The following NOL9 variants were observed in gnomAD, a reference collection of about 807,000 sequenced individuals.
NOL9 encodes nucleolar protein 9.
NOL9 carries 28 observed loss-of-function variants against 67.9 expected under a neutral mutation model. That is an observed-to-expected ratio of 0.41 (90% CI 0.31 to 0.57). The LOEUF is 0.57. Ranked by LOEUF, NOL9 falls within the 20% of genes least tolerant of loss-of-function variation. The pLI is 0.25. For synonymous variants in NOL9, 356 were observed against 352.2 expected, an observed-to-expected ratio of 1.01 and a Z score of -0.12; for missense variants, 777 against 897.0, an observed-to-expected ratio of 0.87 and a Z score of 1.71.
intron 6 of NOL9, among the ~76,000 whole-genome samples, chr1:6,539,066 G>A (rs904892212): frequency 1.2e-4 from 18 of 152,200 alleles, no homozygotes; most frequent in Non-Finnish European, 2.9e-5. Flanking sequence ...ATAAGTACAT[G>A]CTCAACATCA....
chr1:6,539,402 G>C (rs891568120), intron 6 of NOL9, among the ~76,000 whole-genome samples: 4 of 152,226 alleles, frequency 2.6e-5, no homozygotes, highest in African/African-American at 9.6e-5. Flanking sequence ...AAGAAGCCAA[G>C]TGTCCCTTAA....
chr1:6,532,405 G>T, intron 8 of NOL9, 58 bp downstream of exon 8: 1 of 1,499,772 alleles, frequency 6.7e-7, no homozygotes, highest in Non-Finnish European at 9.1e-7. Context: ...AATTGAGAAT[G>T]GCAGGTCTTT....
At chr1:6,547,996 GGCTCTAACAAAACTAGGCTGTCCCGAACC>G (rs2148661302) in intron 3 of NOL9, 1 of 303,584 alleles carries the variant, frequency 3.3e-6, no homozygotes, top group African/African-American at 2.2e-5. Context: ...CTACAATACA[GGCTCTAACAAAACTAGGCTGTCCCGAACC>G]CCTGGTAATA....
intron 6 of NOL9, 87 bp from the exon 7 acceptor site, chr1:6,533,528 C>A: frequency 2.0e-6 from 2 of 983,590 alleles, no homozygotes; most frequent in South Asian, 2.4e-5. Context: ...TTGTTTCAGC[C>A]GTTATCACTG....
Position 6,554,483 on chromosome 1 carries a change from A to G in NOL9, c.20T>C (p.Leu7Pro), listed in dbSNP as rs755573358. The G allele has an allele frequency of 1.6e-5, 24 of 1,543,360 alleles. No homozygotes were observed. Among genetic ancestry groups the G allele is most frequent in the Admixed American group, 9.7e-5 (5 of 51,698 alleles). MADSGL[L>P]LKRGSCRSTW... ...GGAACGGCAGGAACCCCGCTTTAGC[A>G]GCAGTCCCGAGTCCGCCATGCTGGG... The change falls in exon 1 of 12, where the codon CTG becomes CCG. Residue 7 changes from leucine to proline, a missense_variant. Physicochemically the swap from Leu to Pro is moderately conservative, Grantham distance 98. Around this residue, in one of 2 missense-constraint regions of NOL9, gnomAD observed 364 missense variants for 344.4 expected, o/e 1.06. Transcript: ENST00000377705.
Position 6,554,330 on chromosome 1 carries a change from G to C in NOL9, c.173C>G (p.Ser58Cys), listed in dbSNP as rs775932885. Residue 58 changes from serine (S) to cysteine (C), a missense_variant, in exon 1 of 12, where the codon TCC becomes TGC. Around this residue, in one of 2 missense-constraint regions of NOL9, gnomAD observed 364 missense variants for 344.4 expected, o/e 1.06. Coordinates refer to ENST00000377705, the MANE Select transcript of NOL9 (RefSeq NM_024654.5). ...LRWRLLQAQA[S>C]GVDWREGARQ... ...GGCTCCCTCCCTCCAGTCCACGCCG[G>C]ACGCCTGGGCTTGCAGTAACCGCCA... 1.4e-6 allele frequency: 2 copies of C among 1,470,150 alleles called. No homozygotes were observed. Among genetic ancestry groups the C allele is most frequent in the Non-Finnish European group, 1.8e-6 (2 of 1,115,848 alleles). The allele number at this position is 1,470,150 out of a possible 1,614,324, so 91.1% of individuals were successfully genotyped here.
chr1:6,535,022 T>C (rs867423557), intron 6 of NOL9, among the ~76,000 whole-genome samples: 4 of 152,132 alleles, frequency 2.6e-5, no homozygotes, highest in Non-Finnish European at 2.9e-5. Flanking sequence ...GCCAAGTAAG[T>C]TGGTCTCAAA....
At chr1:6,530,830 C>A (rs1352645448) in intron 9 of NOL9, among the ~76,000 whole-genome samples, 2 of 152,262 alleles carry the variant, frequency 1.3e-5, no homozygotes, top group Non-Finnish European at 2.9e-5. Context: ...TGGCACAGAG[C>A]AAGCGCTCAA....
intron 10 of NOL9, 29 bp from the exon 11 acceptor site, chr1:6,526,858 C>T (rs1255470299): frequency 1.3e-6 from 2 of 1,546,436 alleles, no homozygotes; most frequent in Non-Finnish European, 1.7e-6. Flanking sequence ...ACACAAAAAT[C>T]ACCCTTTTGG....
At position 6,550,571 on chromosome 1, in the gene NOL9, G is replaced by A. The variant is rs774429883; in HGVS notation, c.441C>T (p.Gly147=). ...SGICRVTCLY[G]QVQVFGFTIS... is the part of the protein sequence containing the mutation. ...TGGTAAAACCAAATACCTGCACCTGGCCATAGAGGCAAGTCACACGACAGA... is the reference window on the plus strand; with the variant it reads ...TGGTAAAACCAAATACCTGCACCTGACCATAGAGGCAAGTCACACGACAGA... Residue 147 remains glycine (G), a synonymous_variant, in exon 2 of 12, where the codon GGC becomes GGT. Coordinates refer to ENST00000377705, the MANE Select transcript of NOL9 (RefSeq NM_024654.5). The A allele has an allele frequency of 6.2e-7, 1 of 1,613,908 alleles. No homozygotes were observed. Among genetic ancestry groups the A allele is most frequent in the Non-Finnish European group, 8.5e-7 (1 of 1,180,002 alleles).
In NOL9 at chr1:6,529,034, G is replaced by A; in HGVS notation, c.1785C>T (p.Ile595=). The A allele has an allele frequency of 6.2e-7, 1 of 1,614,086 alleles. No homozygotes were observed. The highest frequency in any genetic ancestry group is 8.5e-7 in the Non-Finnish European group (1 of 1,180,034). ...DDVRGYTNGP[I]LLAQTPICDC... is the part of the protein sequence containing the mutation. ...CACAGATTGGAGTCTGGGCAAGCAG[G>A]ATGGGCCCATTCGTGTATCCTCTGA... The change falls in exon 10 of 12, where the codon ATC becomes ATT. Residue 595 remains isoleucine (I), a synonymous_variant. Coordinates refer to ENST00000377705, the MANE Select transcript of NOL9 (RefSeq NM_024654.5).
chr1:6,554,172 G>A lies in NOL9; in HGVS notation c.331C>T (p.Leu111Phe). 1 of 1,524,886 alleles carries A rather than the reference G, an allele frequency of 6.6e-7. No homozygotes were observed. The highest frequency in any genetic ancestry group is 2.7e-5 in the East Asian group (1 of 36,734). 94.5% of individuals were successfully genotyped at this position (1,524,886 alleles called of 1,614,324 possible). A position where few individuals can be genotyped will look rare whatever the true frequency, so the allele number is the denominator to read the frequency against. The change falls in exon 1 of 12, where the codon CTC becomes TTC. Residue 111 changes from leucine (L) to phenylalanine (F), a missense_variant. By Grantham distance (22) the Leu-to-Phe change is conservative. Around this residue, in one of 2 missense-constraint regions of NOL9, gnomAD observed 364 missense variants for 344.4 expected, o/e 1.06. Coordinates refer to ENST00000377705, the MANE Select transcript of NOL9 (RefSeq NM_024654.5). ...LESASSCHRP[L>F]LIPPVRPVGP... ...ACGGGCCGCACCGGTGGGATGAGGA[G>A]AGGCCGGTGGCAACTCGAGGCGGAT...
chr1:6,553,991 G>A (rs897008921), intron 1 of NOL9, 116 bp downstream of exon 1: 57 of 807,556 alleles, frequency 7.1e-5, no homozygotes, highest in Non-Finnish European at 9.7e-5. Context: ...GAATCCGACT[G>A]GCAGCCAGAG....
chr1:6,532,422 G>C, intron 8 of NOL9, 41 bp downstream of exon 8: 1 of 1,561,136 alleles, frequency 6.4e-7, no homozygotes, highest in Non-Finnish European at 8.7e-7. Context: ...CTTTTTCGAC[G>C]GAAGGAAAAA....
Position 6,522,996 on chromosome 1 carries a change from A to G in NOL9, c.*2858T>C, listed in dbSNP as rs995111728. The stretch of plus-strand genomic sequence containing the variant: ...GCCAATACGGTGAAACCCTATCTCT[A>G]CTAAAAATATAAAAATTAGCCAGGC... On this transcript the variant is annotated 3_prime_UTR_variant, in exon 12 of 12. Transcript: ENST00000377705. 1 of 151,390 alleles carries G rather than the reference A, an allele frequency of 6.6e-6. No individual in the cohort carries two copies. Among genetic ancestry groups the G allele is most frequent in the African/African-American group, 2.4e-5 (1 of 41,142 alleles). 9.4% of individuals were successfully genotyped at this position (151,390 alleles called of 1,614,324 possible). A position where few individuals can be genotyped will look rare whatever the true frequency, so the allele number is the denominator to read the frequency against.
chr1:6,537,413 A>C (rs753166708), intron 6 of NOL9, among the ~76,000 whole-genome samples: 8 of 152,214 alleles, frequency 5.3e-5, no homozygotes, highest in Non-Finnish European at 1.2e-4. Context: ...TGCATAACAA[A>C]GGAAAAAATT....
At chr1:6,527,457 G>T (rs1047506022) in intron 10 of NOL9, among the ~76,000 whole-genome samples, 4 of 151,816 alleles carry the variant, frequency 2.6e-5, no homozygotes, top group Non-Finnish European at 4.4e-5. Context: ...GACCAGCCTG[G>T]CCAACATGGT....
rs1639059371 is a variant in NOL9, at chr1:6,532,714, G to T, written c.1284C>A (p.Pro428=). 6.2e-7 allele frequency: 1 copy of T among 1,614,054 alleles called. No homozygotes were observed. Among genetic ancestry groups the T allele is most frequent in the African/African-American group, 1.3e-5 (1 of 74,922 alleles). ...CAGAGCGGAACTGAACCACGTGGCTGGGAGACAGCAATCGGATCAGATCAA... is the reference window on the plus strand; with the variant it reads ...CAGAGCGGAACTGAACCACGTGGCTTGGAGACAGCAATCGGATCAGATCAA... The part of the protein sequence containing the change: ...LLIDLIRLLS[P]SHVVQFRSDH... The change falls in exon 8 of 12, where the codon CCC becomes CCA. Residue 428 remains proline (P), a synonymous_variant. Transcript: ENST00000377705.
intron 7 of NOL9, 77 bp from the exon 8 acceptor site, chr1:6,532,837 G>C: frequency 1.5e-6 from 2 of 1,294,956 alleles, no homozygotes; most frequent in South Asian, 2.9e-5. Context: ...ATGCTCCTAC[G>C]ACAAATGGAT....
Sources: allele counts gnomAD v4.1 joint callset (sites outside exome capture counted in the v4.1 genomes callset), GRCh38; gene constraint gnomAD v4.1.1; regional missense constraint gnomAD v4.1.1; transcripts MANE v1.5; gene names NCBI Gene and HGNC (gene_info 2026-07-23, HGNC 2026-07-21).